ADCK2: variants seen among roughly 807,000 people sequenced by gnomAD.
ADCK2 encodes the protein aarF domain containing kinase 2.
A neutral mutation model predicts 52.3 loss-of-function variants in ADCK2; 37 were observed. The ratio of observed to expected loss-of-function variants is 0.71; its 90% CI spans 0.54 to 0.93. The LOEUF (loss-of-function observed/expected upper bound fraction) is 0.93. Ranked by LOEUF, ADCK2 falls within the 40% of genes least tolerant of loss-of-function variation. ADCK2 has a pLI of 0.00. For synonymous variants in ADCK2, 321 were observed against 349.2 expected (o/e 0.92, Z 0.90); for missense variants, 695 against 798.7 (o/e 0.87, Z 1.56).
At chr7:140,682,508 C>T (rs1794533523) in intron 4 of ADCK2, among the ~76,000 whole-genome samples, 2 of 151,970 alleles carry the variant, frequency 1.3e-5, no homozygotes, top group South Asian at 2.1e-4. Context: ...AGGGGCCTGA[C>T]CACAAAGGGT....
chr7:140,689,753 C>A, intron 6 of ADCK2, 28 bp downstream of exon 6: 1 of 1,590,614 alleles, frequency 6.3e-7, no homozygotes, highest in Non-Finnish European at 8.6e-7. Context: ...GGAACAGGGG[C>A]TGGGGAGTCC....
intron 7 of ADCK2, 149 bp from the exon 8 acceptor site, chr7:140,694,514 C>T (rs886646785): frequency 1.3e-5 from 9 of 716,784 alleles, no homozygotes; most frequent in South Asian, 4.2e-5. Flanking sequence ...GGGGAGATGA[C>T]GCGGTAGAGA....
intron 4 of ADCK2, among the ~76,000 whole-genome samples, chr7:140,685,812 G>A (rs1170138405): frequency 2.0e-5 from 3 of 152,136 alleles, no homozygotes; most frequent in Non-Finnish European, 2.9e-5. Context: ...CTCATCCCCC[G>A]TGGAAGGATT....
rs569845382 is a variant in ADCK2, at chr7:140,673,117, CGCGCG to C, written c.-195_-191del. On this transcript the variant is annotated 5_prime_UTR_variant, in exon 1 of 8. Coordinates refer to ENST00000072869, the MANE Select transcript of ADCK2 (RefSeq NM_052853.4). The surrounding 1 kb of genome is among the most constrained non-coding windows in gnomAD (Gnocchi z 6.4). ...GTTGGTGCCGTCTGACAGCCCCTTC[CGCGCG>C]GCGCGGCGCGGCGCGGCGGGTGTCG... 2.7e-3 allele frequency: 823 copies of C among 303,026 alleles called. 7 individuals carry two copies. Among genetic ancestry groups the C allele is most frequent in the African/African-American group, 0.016 (701 of 44,320 alleles). 18.8% of individuals were successfully genotyped at this position (303,026 alleles called of 1,614,324 possible). A position where few individuals can be genotyped will look rare whatever the true frequency, so the allele number is the denominator to read the frequency against.
intron 3 of ADCK2, among the ~76,000 whole-genome samples, chr7:140,679,741 C>T (rs1210193842): frequency 7.3e-6 from 1 of 136,190 alleles, no homozygotes; most frequent in East Asian, 2.3e-4. Flanking sequence ...GGCATGATCT[C>T]AGCTCACTGC....
At chr7:140,685,676 TG>T in intron 4 of ADCK2, among the ~76,000 whole-genome samples, 1 of 152,112 alleles carries the variant, frequency 6.6e-6, no homozygotes. Context: ...CCATAAGGGA[TG>T]GGGTCTATGG....
At chr7:140,688,277 C>T (rs1794642482) in intron 5 of ADCK2, among the ~76,000 whole-genome samples, 1 of 152,136 alleles carries the variant, frequency 6.6e-6, no homozygotes, top group Non-Finnish European at 1.5e-5. Context: ...CTTCTGACCT[C>T]AGGTGATCCA....
At chr7:140,685,575 C>T (rs1406086133) in intron 4 of ADCK2, among the ~76,000 whole-genome samples, 1 of 152,196 alleles carries the variant, frequency 6.6e-6, no homozygotes, top group Non-Finnish European at 1.5e-5. Flanking sequence ...TCCCAGCCCC[C>T]CAGGTCCCAG....
rs778099614 is a variant in ADCK2 at position 140,694,740 on chromosome 7, C to T, written c.1818C>T (p.Pro606=). 1 of 1,614,128 alleles carries T rather than the reference C, an allele frequency of 6.2e-7. No individual in the cohort carries two copies. ...AGGGGCTTGGCCGCTCACTGGACCC[C>T]AAACTGGACATCCTGGAGGCAGCGA... The part of the protein sequence containing the change: ...VLEGLGRSLD[P]KLDILEAARP... The change falls in exon 8 of 8, where the codon CCC becomes CCT. Residue 606 remains proline, a synonymous_variant. Coordinates refer to ENST00000072869, the MANE Select transcript of ADCK2 (RefSeq NM_052853.4).
intron 4 of ADCK2, among the ~76,000 whole-genome samples, chr7:140,685,059 G>A (rs1349536258): frequency 6.6e-6 from 1 of 151,626 alleles, no homozygotes; most frequent in Admixed American, 6.6e-5. Context: ...TGAGGGCAAG[G>A]TTCCAGAAGA....
chr7:140,691,157 C>T (rs2130792674), intron 7 of ADCK2, among the ~76,000 whole-genome samples: 1 of 152,214 alleles, frequency 6.6e-6, no homozygotes, highest in Middle Eastern at 3.4e-3. Flanking sequence ...AACTCCTGAC[C>T]TCAGGTGATC....
At chr7:140,677,423 A>G (rs530234141) in intron 2 of ADCK2, among the ~76,000 whole-genome samples, 1 of 151,388 alleles carries the variant, frequency 6.6e-6, no homozygotes, top group African/African-American at 2.4e-5. Flanking sequence ...AAAAAAAAAG[A>G]AAGACAGTCA....
In ADCK2 at chr7:140,694,663, G is replaced by A; in HGVS notation, c.1741G>A (p.Val581Ile). ...GAACTGTTCTGTTTTTCTGTTCCAG[G>A]TAAAGCTTGAGAGCAACTTTGCCTC... Reference protein sequence around the residue: ...SVFKLLMTHKVKLESNFASIV... With the variant: ...SVFKLLMTHKIKLESNFASIV... Residue 581 changes from valine to isoleucine, a missense_variant and splice_region_variant, in exon 8 of 8, where the codon GTA becomes ATA. Physicochemically the swap from Val to Ile is conservative, Grantham distance 29. Transcript: ENST00000072869. The A allele has an allele frequency of 1.2e-6, 2 of 1,613,584 alleles. No individual in the cohort carries two copies. The highest frequency in any genetic ancestry group is 4.5e-5 in the East Asian group (2 of 44,860).
chr7:140,683,162 G>T (rs577807164), intron 4 of ADCK2, among the ~76,000 whole-genome samples: 1 of 152,130 alleles, frequency 6.6e-6, no homozygotes, highest in East Asian at 1.9e-4. Flanking sequence ...TTAGCCAGAC[G>T]TGGTGGTGCA....
Position 140,673,267 on chromosome 7 carries a change from G to T in ADCK2, c.-64G>T, listed in dbSNP as rs1801661546. On this transcript the variant is annotated 5_prime_UTR_variant, in exon 1 of 8. Transcript: ENST00000072869. The surrounding 1 kb of genome is among the most constrained non-coding windows in gnomAD (Gnocchi z 6.4). ...AGGGCCGGGCTTCGGCTTCACCGCAGCCTCGCCTGAGCGGGCGCCTCTGAA... is the reference window on the plus strand; with the variant it reads ...AGGGCCGGGCTTCGGCTTCACCGCATCCTCGCCTGAGCGGGCGCCTCTGAA... The T allele has an allele frequency of 2.2e-6, 3 of 1,360,178 alleles. No individual in the cohort carries two copies. Among genetic ancestry groups the T allele is most frequent in the Non-Finnish European group, 2.9e-6 (3 of 1,047,234 alleles). 84.3% of individuals were successfully genotyped at this position (1,360,178 alleles called of 1,614,324 possible).
In ADCK2 at chr7:140,673,688, A is replaced by G; in HGVS notation, c.358A>G (p.Thr120Ala). ...CCCCCTCCTACTCCTCTACCCCCTCACCTACCTGGCTCCCAGCGTCTCCAC... is the reference window on the plus strand; with the variant it reads ...CCCCCTCCTACTCCTCTACCCCCTCGCCTACCTGGCTCCCAGCGTCTCCAC... Reference protein sequence around the residue: ...FFPLLLLYPLTYLAPSVSTLW... With the variant: ...FFPLLLLYPLAYLAPSVSTLW... Residue 120 changes from threonine to alanine, a missense_variant, in exon 1 of 8, where the codon ACC becomes GCC. Transcript: ENST00000072869. The surrounding 1 kb of genome is among the most constrained non-coding windows in gnomAD (Gnocchi z 6.4). 1 of 1,607,184 alleles carries G rather than the reference A, an allele frequency of 6.2e-7. No homozygotes were observed. The highest frequency in any genetic ancestry group is 8.5e-7 in the Non-Finnish European group (1 of 1,178,452).
chr7:140,674,181 T>C lies in ADCK2; in HGVS notation c.851T>C (p.Val284Ala). 1 of 1,613,556 alleles carries C rather than the reference T, an allele frequency of 6.2e-7. No individual in the cohort carries two copies. Among genetic ancestry groups the C allele is most frequent in the East Asian group, 2.2e-5 (1 of 44,808 alleles). The change falls in exon 1 of 8, where the codon GTT (valine) becomes GCT (alanine). Residue 284 changes from valine to alanine, a missense_variant. Coordinates refer to ENST00000072869, the MANE Select transcript of ADCK2 (RefSeq NM_052853.4). This position sits in a 1 kb window ranked among gnomAD's most constrained non-coding sequence, Gnocchi z 4.6. ...CTGCTCCTCCCTAAAGCTGACCTGGTTGGATCAAATGCAGGGGTGTCTCGG... is the reference window on the plus strand; with the variant it reads ...CTGCTCCTCCCTAAAGCTGACCTGGCTGGATCAAATGCAGGGGTGTCTCGG... ...ERLLLPKADL[V>A]GSNAGVSRAQ...
Position 140,674,817 on chromosome 7 carries a change from T to C in ADCK2, c.1080+60T>C, listed in dbSNP as rs760776281. 2.1e-4 allele frequency: 319 copies of C among 1,551,810 alleles called. 3 individuals carry two copies. In the South Asian group the frequency reaches 2.1e-3, roughly 10 times the overall value. On this transcript the variant is annotated intron_variant, in intron 2 of 7. Coordinates refer to ENST00000072869, the MANE Select transcript of ADCK2 (RefSeq NM_052853.4). This position sits in a 1 kb window ranked among gnomAD's most constrained non-coding sequence, Gnocchi z 4.6. Reference sequence around the variant, plus strand: ...TAACATAGTTCTTGCCATTAGCTGCTACTTAGTAAATGTTGAATGAATAAT... The same window carrying C: ...TAACATAGTTCTTGCCATTAGCTGCCACTTAGTAAATGTTGAATGAATAAT...
intron 3 of ADCK2, among the ~76,000 whole-genome samples, chr7:140,680,807 C>T (rs1437702176): frequency 1.3e-5 from 2 of 152,092 alleles, no homozygotes; most frequent in Non-Finnish European, 2.9e-5. Context: ...GGTTCTCCCT[C>T]ATGTTGTCCA....
Sources: gnomAD v4.1 joint callset for allele counts (sites outside exome capture counted in the v4.1 genomes callset) on GRCh38, gnomAD v4.1.1 for gene constraint, Gnocchi (gnomAD v3.1) non-coding constraint, MANE v1.5 for transcripts, NCBI Gene and HGNC (gene_info 2026-07-23, HGNC 2026-07-21) for gene names.